Variants in DHRS3 observed in about 807,000 individuals in gnomAD.
DHRS3 encodes dehydrogenase/reductase 3.
DHRS3 carries 14 observed loss-of-function variants against 27.2 expected under a neutral mutation model. That is an observed-to-expected ratio of 0.52 (90% CI 0.34 to 0.81). DHRS3 has a LOEUF of 0.81. DHRS3 is among the 30% of genes least tolerant of loss of function. The pLI, the probability that DHRS3 is intolerant of heterozygous loss-of-function variation, is 0.01. For missense variants in DHRS3, 322 were observed against 406.2 expected (o/e 0.79, Z 1.78); for synonymous variants, 165 against 175.9 (o/e 0.94, Z 0.49).
chr1:12,572,286 G>A (rs533537516), intron 5 of DHRS3, among the ~76,000 whole-genome samples: 1 of 152,272 alleles, frequency 6.6e-6, no homozygotes, highest in African/African-American at 2.4e-5. Context: ...TCCTGCCTCA[G>A]CCTCCCGAGT....
intron 1 of DHRS3, among the ~76,000 whole-genome samples, chr1:12,611,898 C>G (rs1646912030): frequency 7.0e-6 from 1 of 143,356 alleles, no homozygotes; most frequent in Non-Finnish European, 1.5e-5. Flanking sequence ...TCGAGACTAA[C>G]CTAAGCAACA....
At chr1:12,581,922 A>G (rs1646648057) in intron 1 of DHRS3, among the ~76,000 whole-genome samples, 2 of 152,194 alleles carry the variant, frequency 1.3e-5, no homozygotes, top group South Asian at 2.1e-4. Flanking sequence ...ATTTAAGACT[A>G]TCAGTGAAAT....
chr1:12,588,054 T>C (rs1016760602), intron 1 of DHRS3, among the ~76,000 whole-genome samples: 1 of 152,246 alleles, frequency 6.6e-6, no homozygotes, highest in African/African-American at 2.4e-5. Context: ...ATATCCTGTC[T>C]CTTAGAGGAC....
intron 5 of DHRS3, among the ~76,000 whole-genome samples, chr1:12,570,734 G>C (rs144713822): frequency 4.3e-4 from 66 of 152,346 alleles, no homozygotes; most frequent in African/African-American, 1.6e-3. Flanking sequence ...CCTGACCTCA[G>C]TGAGGACCTG....
At position 12,580,633 on chromosome 1, in the gene DHRS3, T is replaced by C; in HGVS notation, c.229A>G (p.Lys77Glu). The change falls in exon 2 of 6, where the codon AAG (lysine) becomes GAG (glutamate). Residue 77 changes from lysine (K) to glutamate (E), a missense_variant. By Grantham distance (56) the Lys-to-Glu change is moderately conservative (BLOSUM62 1). Coordinates refer to ENST00000616661, the MANE Select transcript of DHRS3 (RefSeq NM_004753.7). ...TGCCGGATCTCCTCCGTCGTCTCCT[T>C]CAGGCATTTCTCAGTCCGGCCCCAG... The part of the protein sequence containing the change: ...VLWGRTEKCL[K>E]ETTEEIRQMG... The C allele has an allele frequency of 1.2e-6, 2 of 1,614,026 alleles. No homozygotes were observed. The highest frequency in any genetic ancestry group is 1.7e-6 in the Non-Finnish European group (2 of 1,180,016).
At chr1:12,604,336 C>G (rs1005705468) in intron 1 of DHRS3, among the ~76,000 whole-genome samples, 13 of 152,192 alleles carry the variant, frequency 8.5e-5, no homozygotes, top group African/African-American at 2.9e-4. Flanking sequence ...CACTGGTTGT[C>G]AAATGAAAGA....
chr1:12,589,997 G>A (rs978625594), intron 1 of DHRS3, among the ~76,000 whole-genome samples: 1 of 152,040 alleles, frequency 6.6e-6, no homozygotes, highest in Non-Finnish European at 1.5e-5. Flanking sequence ...CCTTGACTGG[G>A]GCAAAACCAC....
At chr1:12,581,009 G>T (rs111280540) in intron 1 of DHRS3, among the ~76,000 whole-genome samples, 1 of 151,868 alleles carries the variant, frequency 6.6e-6, no homozygotes, top group African/African-American at 2.4e-5. Flanking sequence ...AAAAAATTTT[G>T]TAGAGTAGGG....
chr1:12,602,865 C>G (rs1199183053), intron 1 of DHRS3, among the ~76,000 whole-genome samples: 2 of 152,272 alleles, frequency 1.3e-5, no homozygotes, highest in East Asian at 1.9e-4. Flanking sequence ...AGTGCTCTGG[C>G]CGGAGCCGGC....
Position 12,617,510 on chromosome 1 carries a change from G to T in DHRS3, c.-162C>A. 7 of 302,182 alleles carry T rather than the reference G, an allele frequency of 2.3e-5. No homozygotes were observed. The highest frequency in any genetic ancestry group is 4.9e-5 in the East Asian group (1 of 20,448). 18.7% of individuals were successfully genotyped at this position (302,182 alleles called of 1,614,324 possible). A position where few individuals can be genotyped will look rare whatever the true frequency, so the allele number is the denominator to read the frequency against. ...CCTCTTCCCAAATGCAAAGCACCGG[G>T]TGAGAAAAAGAAAAAAAAAAAAAAA... On this transcript the variant is annotated 5_prime_UTR_variant, in exon 1 of 6. Transcript: ENST00000616661.
In DHRS3 at chr1:12,608,292, G is replaced by A. The variant is rs1232803669; in HGVS notation, c.195+8862C>T. Among the ~76,000 whole-genome samples, 1 of 152,094 alleles carries A rather than the reference G, an allele frequency of 6.6e-6. No individual in the cohort carries two copies. The highest frequency in any genetic ancestry group is 1.5e-5 in the Non-Finnish European group (1 of 68,022). On this transcript the variant is annotated intron_variant, in intron 1 of 5. Coordinates refer to ENST00000616661, the MANE Select transcript of DHRS3 (RefSeq NM_004753.7). The surrounding 1 kb of genome is among the most constrained non-coding windows in gnomAD (Gnocchi z 4.1). ...GTGTATGGTACCACAGACATGTAGA[G>A]TACCACGGTCATGAATATTACTAGG...
intron 1 of DHRS3, among the ~76,000 whole-genome samples, chr1:12,612,775 G>A (rs1646918956): frequency 6.6e-6 from 1 of 152,090 alleles, no homozygotes; most frequent in African/African-American, 2.4e-5. Context: ...AGAAGATGAT[G>A]GGGGTGGGCA....
At chr1:12,615,164 AGCCTC>A (rs1185159187) in intron 1 of DHRS3, among the ~76,000 whole-genome samples, 3 of 151,768 alleles carry the variant, frequency 2.0e-5, no homozygotes, top group African/African-American at 7.3e-5. Flanking sequence ...TAGCTCCAGA[AGCCTC>A]ATTATAAAGT....
intron 3 of DHRS3, 152 bp from the exon 4 acceptor site, chr1:12,579,108 G>T (rs1221142809): frequency 3.2e-6 from 4 of 1,269,282 alleles, no homozygotes; most frequent in Non-Finnish European, 4.4e-6. Context: ...CCCTGCCCCA[G>T]GACACCGAGC....
Position 12,578,668 on chromosome 1 carries a change from G to C in DHRS3, c.698+50C>G. On this transcript the variant is annotated intron_variant, in intron 4 of 5. Transcript: ENST00000616661. The surrounding 1 kb of genome is among the most constrained non-coding windows in gnomAD (Gnocchi z 4.5). ...TGCAGTTGGCTGACTGAATGGCTTGGGGAGGCAGGTGAGAAGGCTGGTCTC... is the reference window on the plus strand; with the variant it reads ...TGCAGTTGGCTGACTGAATGGCTTGCGGAGGCAGGTGAGAAGGCTGGTCTC... The C allele has an allele frequency of 6.4e-7, 1 of 1,553,494 alleles. No homozygotes were observed.
At position 12,568,155 on chromosome 1, in the gene DHRS3, G is replaced by C. The variant is rs894912829; in HGVS notation, c.*185C>G. On this transcript the variant is annotated 3_prime_UTR_variant, in exon 6 of 6. Coordinates refer to ENST00000616661, the MANE Select transcript of DHRS3 (RefSeq NM_004753.7). Reference sequence around the variant, plus strand: ...TTTTCCTGCCTCCCTGTGGGGGTCAGTTATACCCATCAGTCCTGTGCAAAG... The same window carrying C: ...TTTTCCTGCCTCCCTGTGGGGGTCACTTATACCCATCAGTCCTGTGCAAAG... The C allele has an allele frequency of 8.7e-6, 5 of 575,024 alleles. No homozygotes were observed. Among genetic ancestry groups the C allele is most frequent in the Admixed American group, 3.0e-5 (1 of 33,562 alleles). The allele number at this position is 575,024 out of a possible 1,614,324, so 35.6% of individuals were successfully genotyped here.
intron 1 of DHRS3, among the ~76,000 whole-genome samples, chr1:12,584,979 GTGTA>G (rs1415986205): frequency 4.0e-5 from 6 of 151,468 alleles, no homozygotes; most frequent in African/African-American, 1.2e-4. Flanking sequence ...CTCTGTATGA[GTGTA>G]TGTGTCTGTG....
chr1:12,585,650 C>G (rs1321392717), intron 1 of DHRS3, among the ~76,000 whole-genome samples: 1 of 152,194 alleles, frequency 6.6e-6, no homozygotes, highest in African/African-American at 2.4e-5. Context: ...AGCCTCCTAC[C>G]CTGACCCTTC....
At position 12,578,407 on chromosome 1, in the gene DHRS3, C is replaced by T. The variant is rs960303529; in HGVS notation, c.698+311G>A. On this transcript the variant is annotated intron_variant, in intron 4 of 5. Transcript: ENST00000616661. This position sits in a 1 kb window ranked among gnomAD's most constrained non-coding sequence, Gnocchi z 4.5. ...TCACTTGCAGCCTCAACTTCCTGGG[C>T]TCAAGCAATTGATCCTCCCACCTCA... 1.3e-5 allele frequency among the ~76,000 whole-genome samples: 2 copies of T among 152,342 alleles called. No individual in the cohort carries two copies. Among genetic ancestry groups the T allele is most frequent in the Non-Finnish European group, 2.9e-5 (2 of 68,030 alleles).
Sources: allele counts gnomAD v4.1 joint callset (sites outside exome capture counted in the v4.1 genomes callset), GRCh38; gene constraint gnomAD v4.1.1; non-coding constraint Gnocchi (gnomAD v3.1); transcripts MANE v1.5; gene names NCBI Gene and HGNC (gene_info 2026-07-23, HGNC 2026-07-21).